Variants in SLIT3 observed in about 807,000 individuals in gnomAD.
SLIT3 encodes slit guidance ligand 3.
Under a neutral mutation model 184.0 loss-of-function variants are expected in SLIT3, and 68 were observed. The ratio of observed to expected loss-of-function variants is 0.37; its 90% CI spans 0.30 to 0.45. The LOEUF is 0.45. Ranked by LOEUF, SLIT3 falls within the 20% of genes least tolerant of loss-of-function variation. The pLI is 1.00. For missense variants in SLIT3, 1,707 were observed against 2,026.0 expected, an observed-to-expected ratio of 0.84 and a Z score of 3.02; for synonymous variants, 831 against 828.6, an observed-to-expected ratio of 1.00 and a Z score of -0.05.
intron 5 of SLIT3, among the ~76,000 whole-genome samples, chr5:168,882,506 G>A (rs1257731932): frequency 8.5e-5 from 13 of 152,140 alleles, no homozygotes; most frequent in South Asian, 2.1e-4. Context: ...CTATGCCTGC[G>A]CTCACACAGG....
chr5:169,175,354 TC>T (rs1161596993), intron 4 of SLIT3, among the ~76,000 whole-genome samples: 1 of 152,190 alleles, frequency 6.6e-6, no homozygotes, highest in Non-Finnish European at 1.5e-5. Flanking sequence ...ATCTGCGGTT[TC>T]CCCTCTTCCC....
At chr5:169,051,071 G>T (rs899714916) in intron 4 of SLIT3, among the ~76,000 whole-genome samples, 1 of 152,120 alleles carries the variant, frequency 6.6e-6, no homozygotes, top group Non-Finnish European at 1.5e-5. Context: ...AAAATTGAAG[G>T]TTGGCTGCAC....
chr5:169,184,664 G>T (rs1286551605), intron 4 of SLIT3, among the ~76,000 whole-genome samples: 1 of 152,178 alleles, frequency 6.6e-6, no homozygotes. Context: ...CTTCCCGGCT[G>T]TGTGGCCTGG....
At chr5:169,213,252 A>T (rs562811047) in intron 3 of SLIT3, among the ~76,000 whole-genome samples, 2 of 141,954 alleles carry the variant, frequency 1.4e-5, no homozygotes, top group Non-Finnish European at 3.0e-5. Flanking sequence ...AATACAACTT[A>T]CAAGGGTTGT....
intron 4 of SLIT3, among the ~76,000 whole-genome samples, chr5:168,901,180 G>A (rs1408505234): frequency 6.6e-6 from 1 of 152,116 alleles, no homozygotes; most frequent in African/African-American, 2.4e-5. Context: ...CTAACATGGT[G>A]AAACCCCGTC....
chr5:168,740,050 G>A (rs1045149424), intron 20 of SLIT3, among the ~76,000 whole-genome samples: 1 of 152,104 alleles, frequency 6.6e-6, no homozygotes, highest in African/African-American at 2.4e-5. Flanking sequence ...AATATCAATA[G>A]CTATAACCCA....
At chr5:168,880,679 C>T (rs1197190887) in intron 5 of SLIT3, among the ~76,000 whole-genome samples, 2 of 152,186 alleles carry the variant, frequency 1.3e-5, no homozygotes, top group African/African-American at 2.4e-5. Flanking sequence ...TCATTTTATA[C>T]AGTGGAAACA....
At chr5:168,814,788 G>T (rs574409557) in intron 8 of SLIT3, among the ~76,000 whole-genome samples, 1 of 152,338 alleles carries the variant, frequency 6.6e-6, no homozygotes, top group South Asian at 2.1e-4. Flanking sequence ...TTGCACCCAC[G>T]TAATAGCAGA....
At chr5:168,844,300 G>A (rs1387301783) in intron 6 of SLIT3, among the ~76,000 whole-genome samples, 3 of 152,150 alleles carry the variant, frequency 2.0e-5, no homozygotes, top group Non-Finnish European at 4.4e-5. Context: ...AATGCTGCAG[G>A]AGCACTGGGG....
intron 23 of SLIT3, among the ~76,000 whole-genome samples, chr5:168,717,569 A>T (rs551763961): frequency 3.3e-4 from 50 of 152,308 alleles, no homozygotes; most frequent in Non-Finnish European, 6.2e-4. Flanking sequence ...CCCCCTCCAG[A>T]GTTAAGCACA....
intron 4 of SLIT3, among the ~76,000 whole-genome samples, chr5:169,139,548 A>T (rs2113339203): frequency 6.6e-6 from 1 of 152,148 alleles, no homozygotes; most frequent in Non-Finnish European, 1.5e-5. Context: ...CCAGCCCCAC[A>T]CTCAGCTACT....
intron 32 of SLIT3, among the ~76,000 whole-genome samples, chr5:168,683,759 C>G (rs993974125): frequency 2.0e-5 from 3 of 152,212 alleles, no homozygotes; most frequent in Non-Finnish European, 4.4e-5. Context: ...TGCGGGCCTG[C>G]CTTCCTCTGC....
intron 10 of SLIT3, chr5:168,790,819 T>C (rs1343285615): frequency 1.3e-5 from 2 of 152,154 alleles, no homozygotes; most frequent in African/African-American, 2.4e-5. Flanking sequence ...GCAGTGGGAA[T>C]CTCTCTGAGC....
At chr5:168,849,113 G>GA (rs1412292911) in intron 5 of SLIT3, among the ~76,000 whole-genome samples, 8 of 152,194 alleles carry the variant, frequency 5.3e-5, no homozygotes, top group Non-Finnish European at 8.8e-5. Flanking sequence ...TCCCCATGAA[G>GA]AATACCTTGA....
At chr5:169,291,579 C>T (rs1767363978) in intron 1 of SLIT3, among the ~76,000 whole-genome samples, 2 of 152,186 alleles carry the variant, frequency 1.3e-5, no homozygotes, top group Admixed American at 1.3e-4. Flanking sequence ...ACAAAGGCCA[C>T]CTATTTCCCC....
intron 6 of SLIT3, among the ~76,000 whole-genome samples, chr5:168,835,332 T>C (rs1758014703): frequency 6.6e-6 from 1 of 152,232 alleles, no homozygotes; most frequent in South Asian, 2.1e-4. Context: ...GGGCCAGCAG[T>C]TGGAGTCCTC....
At chr5:169,097,601 G>A (rs979617061) in intron 4 of SLIT3, among the ~76,000 whole-genome samples, 3 of 147,814 alleles carry the variant, frequency 2.0e-5, no homozygotes, top group African/African-American at 7.5e-5. Context: ...CAGACTACCA[G>A]GGAGATGTTT....
intron 4 of SLIT3, among the ~76,000 whole-genome samples, chr5:168,885,286 CCT>C (rs759404712): frequency 3.1e-4 from 47 of 152,298 alleles, no homozygotes; most frequent in Non-Finnish European, 6.3e-4. Flanking sequence ...AATCCAGTTT[CCT>C]CTGTCTGCAA....
At chr5:168,992,395 T>C (rs1315132191) in intron 4 of SLIT3, among the ~76,000 whole-genome samples, 1 of 152,276 alleles carries the variant, frequency 6.6e-6, no homozygotes. Flanking sequence ...CCGAATCCTG[T>C]AGAATTCTGC....
Sources: allele counts gnomAD v4.1 joint callset (sites outside exome capture counted in the v4.1 genomes callset), GRCh38; gene constraint gnomAD v4.1.1; transcripts MANE v1.5; gene names NCBI Gene and HGNC (gene_info 2026-07-23, HGNC 2026-07-21).